Variants in SLC7A6OS observed in about 807,000 individuals in gnomAD.
SLC7A6OS encodes probable RNA polymerase II nuclear localization protein SLC7A6OS.
Under a neutral mutation model 34.3 loss-of-function variants are expected in SLC7A6OS, and 22 were observed. That is an observed-to-expected ratio of 0.64 (90% CI 0.46 to 0.92). The LOEUF (loss-of-function observed/expected upper bound fraction) is 0.92. Among genes scored for constraint, SLC7A6OS ranks in the 40% least tolerant of loss-of-function variants. SLC7A6OS has a pLI of 0.00. For synonymous variants in SLC7A6OS, 199 were observed against 165.0 expected, an observed-to-expected ratio of 1.21 and a Z score of -1.58; for missense variants, 434 against 407.7, an observed-to-expected ratio of 1.06 and a Z score of -0.56.
chr16:68,301,542 T>C (rs1001233403), intron 4 of SLC7A6OS, 137 bp from the exon 5 acceptor site: 8 of 644,056 alleles, frequency 1.2e-5, no homozygotes, highest in South Asian at 3.0e-5. Context: ...AAAAAGAATA[T>C]AGAATTCTTT....
rs2043502892 is a variant in SLC7A6OS at position 68,310,823 on chromosome 16, A to C, written c.104T>G (p.Val35Gly). ...LACKRLRSDA[V>G]ESAAQKTSEG... ...CGACGTCTTCTGTGCCGCTGACTCG[A>C]CCGCGTCGCTCCGGAGGCGTTTACA... Residue 35 changes from valine to glycine, a missense_variant, in exon 1 of 5, where the codon GTC becomes GGC. Transcript: ENST00000263997. 6.2e-7 allele frequency: 1 copy of C among 1,613,502 alleles called. No individual in the cohort carries two copies. The highest frequency in any genetic ancestry group is 1.3e-5 in the African/African-American group (1 of 74,884).
chr16:68,310,899 G>T lies in SLC7A6OS; in HGVS notation c.28C>A (p.Arg10=). The change falls in exon 1 of 5, where the codon CGG becomes AGG. Residue 10 remains arginine (R), a synonymous_variant. Coordinates refer to ENST00000263997, the MANE Select transcript of SLC7A6OS (RefSeq NM_032178.3). ...TCCGCACTGCGCTTCCGCTTCACCC[G>T]GAGTACAGCGGTCCTGGCGGCCTCC... MEAARTAVL[R]VKRKRSAEPA... 1 of 1,596,848 alleles carries T rather than the reference G, an allele frequency of 6.3e-7. No individual in the cohort carries two copies. The highest frequency in any genetic ancestry group is 8.5e-7 in the Non-Finnish European group (1 of 1,173,840).
rs775254372 is a variant in SLC7A6OS, at chr16:68,310,405, G to A, written c.401C>T (p.Ser134Leu). ...TPGNPEAAGNSGFQLLDLVHE... is the reference protein window; with the variant it reads ...TPGNPEAAGNLGFQLLDLVHE... ...GACAAGGTCTAACAACTGAAAGCCC[G>A]AGTTCCCGGCGGCTTCTGGGTTCCC... Residue 134 changes from serine to leucine, a missense_variant, in exon 2 of 5, where the codon TCG (serine) becomes TTG (leucine). Coordinates refer to ENST00000263997, the MANE Select transcript of SLC7A6OS (RefSeq NM_032178.3). 8 of 1,611,864 alleles carry A rather than the reference G, an allele frequency of 5.0e-6. No individual in the cohort carries two copies. In the South Asian group the frequency reaches 7.7e-5, roughly 16 times the overall value.
In SLC7A6OS at chr16:68,304,149, G is replaced by A. The variant is rs767583042; in HGVS notation, c.555C>T (p.Val185=). Reference sequence around the variant, plus strand: ...CGTGTTTTTGTTCTTCCTGGCGCCTGACTCCTGGTCCATCCTCAGACACAG... The same window carrying A: ...CGTGTTTTTGTTCTTCCTGGCGCCTAACTCCTGGTCCATCCTCAGACACAG... ...RLTVSEDGPG[V]RRQEEQKHDD... The change falls in exon 3 of 5, where the codon GTC becomes GTT. Residue 185 remains valine (V), a synonymous_variant. Coordinates refer to ENST00000263997, the MANE Select transcript of SLC7A6OS (RefSeq NM_032178.3). 2 of 1,614,044 alleles carry A rather than the reference G, an allele frequency of 1.2e-6. No homozygotes were observed. The highest frequency in any genetic ancestry group is 1.7e-6 in the Non-Finnish European group (2 of 1,180,036).
chr16:68,303,751 CT>C (rs575859273), intron 3 of SLC7A6OS: 24 of 395,636 alleles, frequency 6.1e-5, no homozygotes, highest in African/African-American at 3.8e-4. Context: ...TATTTCCCCC[CT>C]AAGAATGGAT....
At chr16:68,310,651 G>C in intron 1 of SLC7A6OS, 38 bp from the exon 2 acceptor site, 3 of 1,580,140 alleles carry the variant, frequency 1.9e-6, no homozygotes, top group South Asian at 1.2e-5. Flanking sequence ...GCGTAAGCAG[G>C]AGTTCGCGAG....
rs537044509 is a variant in SLC7A6OS, at chr16:68,310,944, A to C, written c.-18T>G. On this transcript the variant is annotated 5_prime_UTR_variant, in exon 1 of 5. Transcript: ENST00000263997. ...GCCTCCATAGTGGCTGCCGCTGAGC[A>C]CTGTGGGAGCTCGCGGGGTGTGATG... 11 of 1,561,376 alleles carry C rather than the reference A, an allele frequency of 7.0e-6. No homozygotes were observed. The Admixed American group carries it at 2.1e-4, about 29-fold the overall frequency.
At position 68,301,028 on chromosome 16, in the gene SLC7A6OS, T is replaced by G. The variant is rs2043262945; in HGVS notation, c.*247A>C. ...TAAAGAAACCTTCCTTTTTTCAACG[T>G]TTTTTTTTCTTTCAAACTGTAGGGT... On this transcript the variant is annotated 3_prime_UTR_variant, in exon 5 of 5. Coordinates refer to ENST00000263997, the MANE Select transcript of SLC7A6OS (RefSeq NM_032178.3). The G allele has an allele frequency of 1.7e-6, 2 of 1,149,704 alleles. No individual in the cohort carries two copies. Among genetic ancestry groups the G allele is most frequent in the Admixed American group, 9.4e-5 (2 of 21,206 alleles). 71.2% of individuals were successfully genotyped at this position (1,149,704 alleles called of 1,614,324 possible).
At position 68,298,192 on chromosome 16, in the gene SLC7A6OS, T is replaced by G. The variant is rs2043208431; in HGVS notation, c.*3083A>C. ...ATATTGCTGTTTTGAAGGACAATCC[T>G]TTATTTTACTTGAGACCTTACATCT... is the stretch of plus-strand genomic sequence containing the variant. On this transcript the variant is annotated 3_prime_UTR_variant, in exon 5 of 5. Transcript: ENST00000263997. 6.6e-6 allele frequency: 1 copy of G among 152,668 alleles called. No individual in the cohort carries two copies. Among genetic ancestry groups the G allele is most frequent in the Non-Finnish European group, 1.5e-5 (1 of 68,030 alleles). The allele number at this position is 152,668 out of a possible 1,614,324, so 9.5% of individuals were successfully genotyped here.
chr16:68,310,815 C>A lies in SLC7A6OS; in HGVS notation c.112G>T (p.Ala38Ser), dbSNP rs147968885. 1 of 1,613,672 alleles carries A rather than the reference C, an allele frequency of 6.2e-7. No homozygotes were observed. Among genetic ancestry groups the A allele is most frequent in the Non-Finnish European group, 8.5e-7 (1 of 1,179,956 alleles). ...AAACCCTCCGACGTCTTCTGTGCCG[C>A]TGACTCGACCGCGTCGCTCCGGAGG... ...KRLRSDAVESAAQKTSEGLER... is the reference protein window; with the variant it reads ...KRLRSDAVESSAQKTSEGLER... The change falls in exon 1 of 5, where the codon GCG becomes TCG. Residue 38 changes from alanine (A) to serine (S), a missense_variant. Coordinates refer to ENST00000263997, the MANE Select transcript of SLC7A6OS (RefSeq NM_032178.3).
At chr16:68,303,745 TC>T (rs2043305644) in intron 3 of SLC7A6OS, 1 of 385,428 alleles carries the variant, frequency 2.6e-6, no homozygotes, top group African/African-American at 2.0e-5. Context: ...TATACATATT[TC>T]CCCCCTAAGA....
chr16:68,309,430 A>G (rs933908063), intron 2 of SLC7A6OS, among the ~76,000 whole-genome samples: 3 of 151,808 alleles, frequency 2.0e-5, no homozygotes, highest in Non-Finnish European at 4.4e-5. Context: ...CTGCCGCACA[A>G]TCATGGCTCA....
intron 2 of SLC7A6OS, among the ~76,000 whole-genome samples, chr16:68,307,732 T>C (rs900087624): frequency 4.6e-5 from 7 of 152,232 alleles, no homozygotes; most frequent in Admixed American, 2.6e-4. Flanking sequence ...GCTAGTCTAG[T>C]ATGCATAAAA....
rs745867154 is a variant in SLC7A6OS, at chr16:68,310,461, G to C, written c.345C>G (p.Thr115=). 1 of 1,601,354 alleles carries C rather than the reference G, an allele frequency of 6.2e-7. No individual in the cohort carries two copies. Among genetic ancestry groups the C allele is most frequent in the South Asian group, 1.1e-5 (1 of 89,442 alleles). The part of the protein sequence containing the change: ...VLSSRRSLGT[T]SSGQESEYTP... ...TGTACTCGGACTCCTGGCCGCTCGA[G>C]GTGGTCCCCAAGGATCGGCGGCTGG... The change falls in exon 2 of 5, where the codon ACC becomes ACG. Residue 115 remains threonine (T), a synonymous_variant. Transcript: ENST00000263997.
chr16:68,309,127 C>A (rs1597025216), intron 2 of SLC7A6OS, among the ~76,000 whole-genome samples: 1 of 151,060 alleles, frequency 6.6e-6, no homozygotes, highest in East Asian at 1.9e-4. Flanking sequence ...CAGTATCTTG[C>A]TCTGTTGCTC....
chr16:68,303,338 G>C (rs1221983850), intron 3 of SLC7A6OS, among the ~76,000 whole-genome samples: 1 of 151,670 alleles, frequency 6.6e-6, no homozygotes, highest in Non-Finnish European at 1.5e-5. Context: ...CACTTTGGGA[G>C]GCCAAGGTGG....
At position 68,300,974 on chromosome 16, in the gene SLC7A6OS, G is replaced by C. The variant is rs1360066030; in HGVS notation, c.*301C>G. On this transcript the variant is annotated 3_prime_UTR_variant, in exon 5 of 5. Transcript: ENST00000263997. ...TTTCAGCACAGAACCTGAATGCCAG[G>C]AAAAATTCCTGGGCCAAGAAGCTAA... 5 of 1,034,034 alleles carry C rather than the reference G, an allele frequency of 4.8e-6. No individual in the cohort carries two copies. Among genetic ancestry groups the C allele is most frequent in the Non-Finnish European group, 5.8e-6 (5 of 862,094 alleles). 64.1% of individuals were successfully genotyped at this position (1,034,034 alleles called of 1,614,324 possible).
At position 68,299,728 on chromosome 16, in the gene SLC7A6OS, C is replaced by T. The variant is rs990409719; in HGVS notation, c.*1547G>A. 1 of 152,132 alleles carries T rather than the reference C, an allele frequency of 6.6e-6. No individual in the cohort carries two copies. Among genetic ancestry groups the T allele is most frequent in the African/African-American group, 2.4e-5 (1 of 41,434 alleles). 9.4% of individuals were successfully genotyped at this position (152,132 alleles called of 1,614,324 possible). Reference sequence around the variant, plus strand: ...GAGAATGGCTTTCAATCCTTTGTTTCTATGCCTACAGACAGAAAGCAAGAT... The same window carrying T: ...GAGAATGGCTTTCAATCCTTTGTTTTTATGCCTACAGACAGAAAGCAAGAT... On this transcript the variant is annotated 3_prime_UTR_variant, in exon 5 of 5. Coordinates refer to ENST00000263997, the MANE Select transcript of SLC7A6OS (RefSeq NM_032178.3).
chr16:68,298,555 G>C lies in SLC7A6OS; in HGVS notation c.*2720C>G, dbSNP rs919154765. On this transcript the variant is annotated 3_prime_UTR_variant, in exon 5 of 5. Coordinates refer to ENST00000263997, the MANE Select transcript of SLC7A6OS (RefSeq NM_032178.3). ...GGGACAGTGTACTCCTCTCCTGCCA[G>C]CCTCCCCTTCCCCGAGGTGTGGTGG... 6 of 152,332 alleles carry C rather than the reference G, an allele frequency of 3.9e-5. No individual in the cohort carries two copies. The highest frequency in any genetic ancestry group is 1.4e-4 in the African/African-American group (6 of 41,470). The allele number at this position is 152,332 out of a possible 1,614,324, so 9.4% of individuals were successfully genotyped here. A position where few individuals can be genotyped will look rare whatever the true frequency, so the allele number is the denominator to read the frequency against.
Sources: allele counts gnomAD v4.1 joint callset (sites outside exome capture counted in the v4.1 genomes callset), GRCh38; gene constraint gnomAD v4.1.1; transcripts MANE v1.5; gene names NCBI Gene and HGNC (gene_info 2026-07-23, HGNC 2026-07-21).